The following PCDHGA9 variants were observed in gnomAD, a reference collection of about 807,000 sequenced individuals.
The protein encoded by PCDHGA9 is protocadherin gamma subfamily A, 9, also known as protocadherin gamma-A9.
PCDHGA9 carries 37 observed loss-of-function variants against 62.5 expected under a neutral mutation model. The observed-to-expected ratio is 0.59, with a 90% confidence interval of 0.46 to 0.78. PCDHGA9 has a LOEUF of 0.78. Among genes scored for constraint, PCDHGA9 ranks in the 30% least tolerant of loss-of-function variants. The pLI, the probability that PCDHGA9 is intolerant of heterozygous loss-of-function variation, is 0.00. For synonymous variants in PCDHGA9, 459 were observed against 484.6 expected (o/e 0.95, Z 0.69); for missense variants, 1,138 against 1,166.2 (o/e 0.98, Z 0.35).
intron 1 of PCDHGA9, among the ~76,000 whole-genome samples, chr5:141,452,689 C>G (rs1198702467): frequency 6.6e-6 from 1 of 151,562 alleles, no homozygotes; most frequent in Non-Finnish European, 1.5e-5. Context: ...AGAATGAAAC[C>G]CTGTCAAGAA....
chr5:141,413,524 A>T lies in PCDHGA9; in HGVS notation c.2424+8148A>T, dbSNP rs772774054. The T allele has an allele frequency of 9.3e-6, 15 of 1,613,856 alleles. No individual in the cohort carries two copies. In the Admixed American group the frequency reaches 2.5e-4, roughly 27 times the overall value. ...GAGTTTTAATATCCTTGTGGAAGACAGGGTGAAACTTTTTGGGATAGAAAT... is the reference window on the plus strand; with the variant it reads ...GAGTTTTAATATCCTTGTGGAAGACTGGGTGAAACTTTTTGGGATAGAAAT... On this transcript the variant is annotated intron_variant, in intron 1 of 3. Coordinates refer to ENST00000573521, the MANE Select transcript of PCDHGA9 (RefSeq NM_018921.3).
chr5:141,467,693 G>A lies in PCDHGA9; in HGVS notation c.2425-27114G>A, dbSNP rs543886467. Among the ~76,000 whole-genome samples the A allele has an allele frequency of 2.0e-4, 30 of 152,110 alleles. No individual in the cohort carries two copies. In the South Asian group the frequency reaches 5.6e-3, roughly 28 times the overall value. On this transcript the variant is annotated intron_variant, in intron 1 of 3. Transcript: ENST00000573521. ...TTTTATTTTTTTTAGACAGGGTCTGGCTCTGTTGCCCAGGCTGGAGTGTAG... is the reference window on the plus strand; with the variant it reads ...TTTTATTTTTTTTAGACAGGGTCTGACTCTGTTGCCCAGGCTGGAGTGTAG...
intron 2 of PCDHGA9, 141 bp downstream of exon 2, chr5:141,495,006 G>C (rs1030195663): frequency 2.0e-6 from 3 of 1,521,446 alleles, no homozygotes; most frequent in Non-Finnish European, 8.8e-7. Flanking sequence ...CTTGGTGTGC[G>C]GGGGGCTGGC....
At chr5:141,492,705 C>T (rs2099743225) in intron 1 of PCDHGA9, among the ~76,000 whole-genome samples, 1 of 152,258 alleles carries the variant, frequency 6.6e-6, no homozygotes, top group South Asian at 2.1e-4. Flanking sequence ...ACCCAGAAGC[C>T]TCGAGCAGGC....
chr5:141,489,935 T>C lies in PCDHGA9; in HGVS notation c.2425-4872T>C. On this transcript the variant is annotated intron_variant, in intron 1 of 3. Coordinates refer to ENST00000573521, the MANE Select transcript of PCDHGA9 (RefSeq NM_018921.3). The surrounding 1 kb of genome is among the most constrained non-coding windows in gnomAD (Gnocchi z 4.5). ...GGGACCACCCTTATCTCTGTCATCG[T>C]GCTGGACATCAATGATAATGCTCCA... 1 of 1,614,216 alleles carries C rather than the reference T, an allele frequency of 6.2e-7. No individual in the cohort carries two copies.
intron 1 of PCDHGA9, chr5:141,421,442 A>G (rs769354611): frequency 1.7e-5 from 27 of 1,613,990 alleles, no homozygotes; most frequent in Non-Finnish European, 2.2e-5. Context: ...TCCAGAGGGA[A>G]GACACAGCTT....
At chr5:141,409,135 T>G (rs748247175) in intron 1 of PCDHGA9, 1 of 1,614,026 alleles carries the variant, frequency 6.2e-7, no homozygotes, top group Non-Finnish European at 8.5e-7. Context: ...ATTTTGAAGA[T>G]GTAGAAAGGT....
Position 141,431,669 on chromosome 5 carries a change from A to G in PCDHGA9, c.2424+26293A>G, listed in dbSNP as rs2154554523. ...TTGTAATTCAGGGACAATATCAACA[A>G]TAGGGGAGTTGGACCACGAGGAGTC... On this transcript the variant is annotated intron_variant, in intron 1 of 3. Transcript: ENST00000573521. The surrounding 1 kb of genome is among the most constrained non-coding windows in gnomAD (Gnocchi z 4.8). 2 of 1,614,210 alleles carry G rather than the reference A, an allele frequency of 1.2e-6. No individual in the cohort carries two copies. Among genetic ancestry groups the G allele is most frequent in the South Asian group, 1.1e-5 (1 of 91,084 alleles).
intron 1 of PCDHGA9, chr5:141,419,261 G>A (rs758952830): frequency 1.3e-5 from 21 of 1,613,864 alleles, no homozygotes; most frequent in Non-Finnish European, 1.7e-5. Context: ...CAACCAGCCG[G>A]GTGCCTCCAT....
chr5:141,430,655 G>C (rs1309165721), intron 1 of PCDHGA9: 2 of 1,085,056 alleles, frequency 1.8e-6, no homozygotes, highest in Non-Finnish European at 2.6e-6. Flanking sequence ...TGGAAACAAC[G>C]GAGGAGCTCT....
intron 1 of PCDHGA9, chr5:141,422,646 C>T (rs748692494): frequency 5.0e-6 from 8 of 1,611,836 alleles, no homozygotes; most frequent in Non-Finnish European, 6.8e-6. Flanking sequence ...CCTCCATCTT[C>T]TCAGTGACCG....
intron 1 of PCDHGA9, among the ~76,000 whole-genome samples, chr5:141,406,775 CACTT>C (rs2094850405): frequency 6.6e-6 from 1 of 152,200 alleles, no homozygotes; most frequent in Non-Finnish European, 1.5e-5. Context: ...ATATTTCTCT[CACTT>C]ATATATTATT....
intron 1 of PCDHGA9, chr5:141,420,067 A>C (rs2096463342): frequency 6.2e-7 from 1 of 1,614,034 alleles, no homozygotes; most frequent in Non-Finnish European, 8.5e-7. Flanking sequence ...CCAAGTCCGG[A>C]CCTGTGGGTC....
At chr5:141,505,538 T>C in intron 3 of PCDHGA9, 57 bp downstream of exon 3, 1 of 1,610,262 alleles carries the variant, frequency 6.2e-7, no homozygotes, top group Non-Finnish European at 8.5e-7. Context: ...CTGGGGTGCA[T>C]CTCACAGCCA....
rs1489047184 is a variant in PCDHGA9 at position 141,404,766 on chromosome 5, C to T, written c.1814C>T (p.Ser605Phe). The T allele has an allele frequency of 6.2e-7, 1 of 1,613,940 alleles. No individual in the cohort carries two copies. The highest frequency in any genetic ancestry group is 2.2e-5 in the East Asian group (1 of 44,846). The change falls in exon 1 of 4, where the codon TCC becomes TTC. Residue 605 changes from serine to phenylalanine, a missense_variant. Ser to Phe is a radical substitution (Grantham distance 155, BLOSUM62 -2). Coordinates refer to ENST00000573521, the MANE Select transcript of PCDHGA9 (RefSeq NM_018921.3). ...DRDSGQNAWL[S>F]YRLFKASEPG... The stretch of plus-strand genomic sequence containing the variant: ...GACTCAGGCCAGAATGCTTGGCTCT[C>T]CTACCGCCTATTCAAGGCCAGTGAG...
At chr5:141,414,930 C>A (rs561548499) in intron 1 of PCDHGA9, 1 of 1,614,156 alleles carries the variant, frequency 6.2e-7, no homozygotes, top group South Asian at 1.1e-5. Flanking sequence ...CGCCCCGCTC[C>A]GCAGAGCCCG....
At position 141,491,456 on chromosome 5, in the gene PCDHGA9, C is replaced by G; in HGVS notation, c.2425-3351C>G. On this transcript the variant is annotated intron_variant, in intron 1 of 3. Transcript: ENST00000573521. The surrounding 1 kb of genome is among the most constrained non-coding windows in gnomAD (Gnocchi z 6.9). Reference sequence around the variant, plus strand: ...TGCAGGCGCCAGGACTCACCCTCCCCGGACTTCTATAAGCAGTCCAGCCCC... The same window carrying G: ...TGCAGGCGCCAGGACTCACCCTCCCGGGACTTCTATAAGCAGTCCAGCCCC... 1 of 1,614,104 alleles carries G rather than the reference C, an allele frequency of 6.2e-7. No homozygotes were observed. The highest frequency in any genetic ancestry group is 8.5e-7 in the Non-Finnish European group (1 of 1,180,010).
At chr5:141,428,552 T>TC in intron 1 of PCDHGA9, 2 of 244,422 alleles carry the variant, frequency 8.2e-6, no homozygotes, top group African/African-American at 2.2e-5. Context: ...CCAGAAACAG[T>TC]CCCCCCACAA....
rs772884830 is a variant in PCDHGA9 at position 141,491,791 on chromosome 5, C to T, written c.2425-3016C>T. ...TAAGGGATTGAACTTGCATCCACTCCTCTCCGGCCGGCTTGGTCGCTGGCT... is the reference window on the plus strand; with the variant it reads ...TAAGGGATTGAACTTGCATCCACTCTTCTCCGGCCGGCTTGGTCGCTGGCT... On this transcript the variant is annotated intron_variant, in intron 1 of 3. Coordinates refer to ENST00000573521, the MANE Select transcript of PCDHGA9 (RefSeq NM_018921.3). This position sits in a 1 kb window ranked among gnomAD's most constrained non-coding sequence, Gnocchi z 6.9. The T allele has an allele frequency of 3.3e-6, 5 of 1,518,376 alleles. No homozygotes were observed. In the African/African-American group the frequency reaches 4.2e-5, roughly 13 times the overall value. The allele number at this position is 1,518,376 out of a possible 1,614,324, so 94.1% of individuals were successfully genotyped here.
Sources: allele counts gnomAD v4.1 joint callset (sites outside exome capture counted in the v4.1 genomes callset), GRCh38; gene constraint gnomAD v4.1.1; non-coding constraint Gnocchi (gnomAD v3.1); transcripts MANE v1.5; gene names NCBI Gene and HGNC (gene_info 2026-07-23, HGNC 2026-07-21).